Variants in MKLN1 observed in about 807,000 individuals in gnomAD.
MKLN1 encodes muskelin.
In MKLN1, 18 loss-of-function variants were observed where a neutral mutation model predicts 99.0. The ratio of observed to expected loss-of-function variants is 0.18; its 90% CI spans 0.13 to 0.27. The LOEUF (loss-of-function observed/expected upper bound fraction) is 0.27. Ranked by LOEUF, MKLN1 falls within the 10% of genes least tolerant of loss-of-function variation. MKLN1 has a pLI of 1.00. For synonymous variants in MKLN1, 288 were observed against 293.2 expected (o/e 0.98, Z 0.18); for missense variants, 621 against 875.9 (o/e 0.71, Z 3.67).
chr7:131,144,637 G>T (rs946156877), intron 2 of MKLN1, among the ~76,000 whole-genome samples: 6 of 151,818 alleles, frequency 4.0e-5, no homozygotes, highest in African/African-American at 1.5e-4. Flanking sequence ...ACATTTTTGA[G>T]CCACCACACC....
chr7:131,345,095 C>T (rs573135642), intron 1 of MKLN1, among the ~76,000 whole-genome samples: 7 of 152,166 alleles, frequency 4.6e-5, no homozygotes, highest in Admixed American at 1.3e-4. Flanking sequence ...CATGAGCCAC[C>T]GCACCTGGAC....
intron 3 of MKLN1, among the ~76,000 whole-genome samples, chr7:131,301,630 G>A (rs1798378492): frequency 6.6e-6 from 1 of 151,984 alleles, no homozygotes; most frequent in African/African-American, 2.4e-5. Context: ...TGTTTGTTAT[G>A]GTCTATAGCT....
At chr7:131,385,658 GT>G (rs1793990837) in intron 2 of MKLN1, among the ~76,000 whole-genome samples, 1 of 151,992 alleles carries the variant, frequency 6.6e-6, no homozygotes, top group East Asian at 1.9e-4. Context: ...TTGGCCATTT[GT>G]TTACTTTCTT....
At chr7:131,421,920 A>G (rs1403300556) in intron 8 of MKLN1, among the ~76,000 whole-genome samples, 1 of 152,218 alleles carries the variant, frequency 6.6e-6, no homozygotes, top group African/African-American at 2.4e-5. Flanking sequence ...AAGGGACACC[A>G]TAAATATATT....
rs1157072719 is a variant in MKLN1, at chr7:131,297,432, T to TAC, written c.-178-77978_-178-77977dup. On this transcript the variant is annotated intron_variant, in intron 3 of 7. Transcript: ENST00000416992. ...AATACTCTGTGTGTGTGTGTGTACA[T>TAC]ACACACACACACACAGACAGTATTT... 3.0e-3 allele frequency among the ~76,000 whole-genome samples: 444 copies of TAC among 150,222 alleles called. 1 individual carries two copies. Among genetic ancestry groups the TAC allele is most frequent in the African/African-American group, 9.6e-3 (395 of 41,082 alleles).
chr7:131,395,247 G>A (rs1481709894), intron 4 of MKLN1, among the ~76,000 whole-genome samples: 1 of 151,880 alleles, frequency 6.6e-6, no homozygotes, highest in Non-Finnish European at 1.5e-5. Flanking sequence ...GAATAAAATG[G>A]CATTCCATGA....
At chr7:131,459,519 T>A (rs1317194839) in intron 12 of MKLN1, among the ~76,000 whole-genome samples, 4 of 152,200 alleles carry the variant, frequency 2.6e-5, no homozygotes, top group African/African-American at 9.6e-5. Context: ...GAAGCTGTTC[T>A]GAGGCCTTCC....
chr7:131,186,424 C>T (rs1055430718), intron 2 of MKLN1, among the ~76,000 whole-genome samples: 2 of 152,182 alleles, frequency 1.3e-5, no homozygotes, highest in African/African-American at 2.4e-5. Flanking sequence ...GGGAGGATTG[C>T]TTGAGACCAG....
Position 131,309,826 on chromosome 7 carries a change from C to T in MKLN1, c.-178-65598C>T, listed in dbSNP as rs186389099. ...CTGCAAGCTCTGCTTCCTGGGTTCACGCCTTTCTCCTGCCTCAGCCTCCCG... is the reference window on the plus strand; with the variant it reads ...CTGCAAGCTCTGCTTCCTGGGTTCATGCCTTTCTCCTGCCTCAGCCTCCCG... On this transcript the variant is annotated intron_variant, in intron 3 of 7. Coordinates refer to the MKLN1 transcript ENST00000416992. 790 of 146,872 alleles carry T rather than the reference C, an allele frequency of 5.4e-3. 4 individuals are homozygous for T. The highest frequency in any genetic ancestry group is 0.011 in the African/African-American group (433 of 40,000). 9.1% of individuals were successfully genotyped at this position (146,872 alleles called of 1,614,324 possible).
rs1255010468 is a variant in MKLN1, at chr7:131,152,190, G to A, written c.-297+9249G>A. Among the ~76,000 whole-genome samples the A allele has an allele frequency of 2.0e-5, 3 of 152,160 alleles. No individual in the cohort carries two copies. The East Asian group carries it at 5.8e-4, about 29-fold the overall frequency. The stretch of plus-strand genomic sequence containing the variant: ...ATTAAAAAATTAGCTGTATGTGGTG[G>A]TGAGTGCCTATAATCCCAACTACCA... On this transcript the variant is annotated intron_variant, in intron 2 of 7. Coordinates refer to the MKLN1 transcript ENST00000416992.
intron 2 of MKLN1, among the ~76,000 whole-genome samples, chr7:131,198,973 C>A (rs373883907): frequency 5.4e-4 from 82 of 152,228 alleles, no homozygotes; most frequent in Non-Finnish European, 8.1e-4. Flanking sequence ...GACTCTAAAA[C>A]TGACTTTTTT....
intron 3 of MKLN1, among the ~76,000 whole-genome samples, chr7:131,302,323 T>G (rs973554349): frequency 9.2e-5 from 14 of 152,122 alleles, no homozygotes; most frequent in Non-Finnish European, 4.4e-5. Flanking sequence ...CCAATCCAAG[T>G]GGAAGCAGGG....
At chr7:131,133,154 C>G (rs1386441589) in intron 1 of MKLN1, among the ~76,000 whole-genome samples, 2 of 151,498 alleles carry the variant, frequency 1.3e-5, no homozygotes, top group East Asian at 3.9e-4. Context: ...AGATTTTGAG[C>G]AGAAGCTAGA....
intron 1 of MKLN1, among the ~76,000 whole-genome samples, chr7:131,358,469 A>C (rs1799942043): frequency 6.6e-6 from 1 of 152,202 alleles, no homozygotes; most frequent in Non-Finnish European, 1.5e-5. Context: ...ATCCATATTC[A>C]TAAGAGATTG....
At chr7:131,373,939 A>G (rs1037221143) in intron 1 of MKLN1, among the ~76,000 whole-genome samples, 1 of 151,892 alleles carries the variant, frequency 6.6e-6, no homozygotes, top group Non-Finnish European at 1.5e-5. Context: ...TTTTTATTAT[A>G]TTGAGAGTTT....
chr7:131,166,476 C>T (rs1023781524), intron 2 of MKLN1, among the ~76,000 whole-genome samples: 5 of 152,080 alleles, frequency 3.3e-5, no homozygotes, highest in Non-Finnish European at 4.4e-5. Flanking sequence ...CCTTCAATGG[C>T]CTGGCTGCCC....
intron 3 of MKLN1, among the ~76,000 whole-genome samples, chr7:131,204,107 A>T (rs1174367640): frequency 6.6e-6 from 1 of 152,194 alleles, no homozygotes; most frequent in East Asian, 1.9e-4. Context: ...CTCTGTATAC[A>T]ATCTCTTCCC....
intron 3 of MKLN1, chr7:131,309,857 C>T (rs1447902619): frequency 2.6e-5 from 4 of 151,954 alleles, no homozygotes; most frequent in Admixed American, 2.0e-4. Context: ...TCCCGAGTAG[C>T]TGGGACTACA....
At chr7:131,117,473 AAG>A (rs903216196) in intron 1 of MKLN1, among the ~76,000 whole-genome samples, 3 of 152,118 alleles carry the variant, frequency 2.0e-5, no homozygotes, top group Non-Finnish European at 4.4e-5. Context: ...CAAACAAACA[AAG>A]AAAAAATAAA....
Sources: allele counts gnomAD v4.1 joint callset (sites outside exome capture counted in the v4.1 genomes callset), GRCh38; gene constraint gnomAD v4.1.1; transcripts MANE v1.5; gene names NCBI Gene and HGNC (gene_info 2026-07-23, HGNC 2026-07-21).